Variants in MARCHF1 observed in about 807,000 individuals in gnomAD.
MARCHF1 encodes membrane associated ring-CH-type finger 1.
In MARCHF1, 40 loss-of-function variants were observed where a neutral mutation model predicts 54.2. That is an observed-to-expected ratio of 0.74 (90% CI 0.57 to 0.96). The LOEUF is 0.96. MARCHF1 is among the 40% of genes least tolerant of loss of function. The pLI is 0.00. For missense variants in MARCHF1, 586 were observed against 656.5 expected (o/e 0.89, Z 1.17); for synonymous variants, 236 against 236.3 (o/e 1.00, Z 0.01).
At chr4:163,848,680 C>T (rs1749554925) in intron 4 of MARCHF1, among the ~76,000 whole-genome samples, 1 of 152,092 alleles carries the variant, frequency 6.6e-6, no homozygotes, top group Admixed American at 6.5e-5. Flanking sequence ...AGAGAGGTTT[C>T]TCCCCTGGCT....
At chr4:163,918,983 C>T (rs1206876834) in intron 3 of MARCHF1, among the ~76,000 whole-genome samples, 2 of 151,978 alleles carry the variant, frequency 1.3e-5, no homozygotes, top group African/African-American at 2.4e-5. Flanking sequence ...TTTTTCTTTG[C>T]TTTTGGTTTT....
At position 163,965,154 on chromosome 4, in the gene MARCHF1, T is replaced by A. The variant is rs145737969; in HGVS notation, c.-39+23347A>T. Reference sequence around the variant, plus strand: ...CTATGTTAACTTGAACTGGGAATAATGATAAATAGGGCACAATTATAACAC... The same window carrying A: ...CTATGTTAACTTGAACTGGGAATAAAGATAAATAGGGCACAATTATAACAC... On this transcript the variant is annotated intron_variant, in intron 3 of 9. Coordinates refer to ENST00000514618, the MANE Select transcript of MARCHF1 (RefSeq NM_001394959.1). 3.9e-5 allele frequency among the ~76,000 whole-genome samples: 6 copies of A among 152,026 alleles called. No homozygotes were observed. In the East Asian group the frequency reaches 9.7e-4, roughly 25 times the overall value.
chr4:164,100,315 T>G (rs574071343), intron 2 of MARCHF1, among the ~76,000 whole-genome samples: 132 of 152,366 alleles, frequency 8.7e-4, no homozygotes, highest in African/African-American at 2.8e-3. Context: ...GAGAGTCAAC[T>G]CAAGGTTTTG....
intron 8 of MARCHF1, among the ~76,000 whole-genome samples, chr4:163,548,152 T>C (rs1485149147): frequency 6.6e-6 from 1 of 152,208 alleles, no homozygotes; most frequent in African/African-American, 2.4e-5. Context: ...GAATAACACA[T>C]ATAATCATAG....
chr4:164,101,518 G>T (rs929600319), intron 2 of MARCHF1, among the ~76,000 whole-genome samples: 28 of 128,696 alleles, frequency 2.2e-4, no homozygotes, highest in African/African-American at 7.2e-4. Context: ...CACCTAACAT[G>T]GCAGGGTACT....
intron 4 of MARCHF1, among the ~76,000 whole-genome samples, chr4:163,814,616 G>A (rs751305796): frequency 6.6e-6 from 1 of 151,994 alleles, no homozygotes; most frequent in Non-Finnish European, 1.5e-5. Context: ...TGTTTGCTGT[G>A]GTAACATATG....
chr4:163,627,826 G>A (rs1398517136), intron 5 of MARCHF1, among the ~76,000 whole-genome samples: 2 of 145,358 alleles, frequency 1.4e-5, no homozygotes, highest in Non-Finnish European at 3.1e-5. Context: ...ATAACTCAAT[G>A]AGGAAAGGAA....
chr4:164,148,264 C>G (rs947992890), intron 1 of MARCHF1, among the ~76,000 whole-genome samples: 1 of 152,018 alleles, frequency 6.6e-6, no homozygotes, highest in Admixed American at 6.6e-5. Flanking sequence ...TGCCAGTTCA[C>G]AAGATTTTGC....
intron 4 of MARCHF1, among the ~76,000 whole-genome samples, chr4:163,715,363 A>C (rs1175940168): frequency 6.6e-6 from 1 of 152,164 alleles, no homozygotes; most frequent in African/African-American, 2.4e-5. Context: ...CATCTGCCTC[A>C]GCCTCCCGAG....
At chr4:164,082,031 C>T (rs769049990) in intron 2 of MARCHF1, among the ~76,000 whole-genome samples, 2 of 152,168 alleles carry the variant, frequency 1.3e-5, no homozygotes, top group Non-Finnish European at 1.5e-5. Flanking sequence ...GTCTACCTTG[C>T]CAACTCAGGC....
intron 2 of MARCHF1, among the ~76,000 whole-genome samples, chr4:164,057,421 A>G (rs1266934941): frequency 1.3e-5 from 2 of 152,208 alleles, no homozygotes; most frequent in Non-Finnish European, 2.9e-5. Context: ...ACATTATTTC[A>G]TACAATTTAG....
At chr4:164,282,859 G>C (rs1314320029) in intron 1 of MARCHF1, among the ~76,000 whole-genome samples, 1 of 151,252 alleles carries the variant, frequency 6.6e-6, no homozygotes, top group Admixed American at 6.7e-5. Context: ...ATAGACTTAA[G>C]TAATCTTTGA....
chr4:163,942,251 TAC>T (rs1751927243), intron 3 of MARCHF1, among the ~76,000 whole-genome samples: 1 of 152,240 alleles, frequency 6.6e-6, no homozygotes, highest in African/African-American at 2.4e-5. Context: ...ATTCTCAAAG[TAC>T]ACCAGGTAGC....
chr4:163,958,088 A>G (rs1752267609), intron 3 of MARCHF1, among the ~76,000 whole-genome samples: 1 of 152,042 alleles, frequency 6.6e-6, no homozygotes, highest in African/African-American at 2.4e-5. Context: ...TGCTTCAGCC[A>G]TTCTTGCTAG....
intron 2 of MARCHF1, among the ~76,000 whole-genome samples, chr4:163,992,952 T>A (rs1454847193): frequency 6.6e-6 from 1 of 151,946 alleles, no homozygotes; most frequent in Admixed American, 6.6e-5. Context: ...CTGGATTGAA[T>A]GGGTTTTCAA....
intron 8 of MARCHF1, among the ~76,000 whole-genome samples, chr4:163,561,517 C>G (rs1739466966): frequency 6.6e-6 from 1 of 152,160 alleles, no homozygotes; most frequent in Admixed American, 6.5e-5. Context: ...ATACATCTAT[C>G]ACACAAATAT....
chr4:164,131,840 T>G (rs1226344495), intron 1 of MARCHF1, among the ~76,000 whole-genome samples: 1 of 152,154 alleles, frequency 6.6e-6, no homozygotes, highest in African/African-American at 2.4e-5. Context: ...TTACATGAAG[T>G]CTGTGTATTG....
At chr4:164,220,906 G>C (rs1732093396) in intron 1 of MARCHF1, among the ~76,000 whole-genome samples, 1 of 151,132 alleles carries the variant, frequency 6.6e-6, no homozygotes, top group African/African-American at 2.4e-5. Context: ...GACAGTAGTA[G>C]ACATTGAATA....
At chr4:163,624,737 G>A (rs1354375130) in intron 5 of MARCHF1, among the ~76,000 whole-genome samples, 1 of 152,174 alleles carries the variant, frequency 6.6e-6, no homozygotes, top group Non-Finnish European at 1.5e-5. Context: ...CCTAGTTGTA[G>A]GTCTAGTGTC....
Sources: gnomAD v4.1 joint callset for allele counts (sites outside exome capture counted in the v4.1 genomes callset) on GRCh38, gnomAD v4.1.1 for gene constraint, MANE v1.5 for transcripts, NCBI Gene and HGNC (gene_info 2026-07-23, HGNC 2026-07-21) for gene names.